The following KCNK4 variants were observed in gnomAD, a reference collection of about 807,000 sequenced individuals.
KCNK4 encodes potassium two pore domain channel subfamily K member 4, also known as potassium channel subfamily K member 4.
A neutral mutation model predicts 28.8 loss-of-function variants in KCNK4; 22 were observed. That is an observed-to-expected ratio of 0.76 (90% CI 0.55 to 1.09). The LOEUF (loss-of-function observed/expected upper bound fraction) is 1.09, where lower values mean the gene tolerates loss of function less well. Among genes scored for constraint, KCNK4 ranks in the 50% least tolerant of loss-of-function variants. The pLI, the probability that KCNK4 is intolerant of heterozygous loss-of-function variation, is 0.00. For synonymous variants in KCNK4, 263 were observed against 252.9 expected (o/e 1.04, Z -0.38); for missense variants, 483 against 546.3 (o/e 0.88, Z 1.15).
In KCNK4 at chr11:64,297,104, C is replaced by A; in HGVS notation, c.314-15C>A. 1 of 1,614,022 alleles carries A rather than the reference C, an allele frequency of 6.2e-7. No homozygotes were observed. Among genetic ancestry groups the A allele is most frequent in the South Asian group, 1.1e-5 (1 of 91,076 alleles). On this transcript the variant is annotated splice_polypyrimidine_tract_variant and intron_variant, in intron 3 of 6. Transcript: ENST00000422670. ...CAGGTGGCCCCTAGACTTCCTGCAT[C>A]GCCCCTCTGCCCAGGCTATGGCAAT...
chr11:64,296,371 A>G lies in KCNK4; in HGVS notation c.190-507A>G, dbSNP rs546855690. Among the ~76,000 whole-genome samples the G allele has an allele frequency of 6.0e-4, 91 of 152,098 alleles. 1 individual carries two copies. Among genetic ancestry groups the G allele is most frequent in the African/African-American group, 2.2e-3 (90 of 41,464 alleles). ...CTCAAATTCAGCTTCCATAGGTGCA[A>G]TGGGAGTGGTGGGGTTGGAAAGCTG... On this transcript the variant is annotated intron_variant, in intron 2 of 6. Coordinates refer to ENST00000422670, the MANE Select transcript of KCNK4 (RefSeq NM_033310.3).
At chr11:64,298,563 TC>T (rs1013830423) in intron 6 of KCNK4, among the ~76,000 whole-genome samples, 2 of 151,942 alleles carry the variant, frequency 1.3e-5, no homozygotes, top group African/African-American at 4.8e-5. Context: ...GTGCCTGTAG[TC>T]CCAGCTACTC....
rs2034883038 is a variant in KCNK4 at position 64,299,730 on chromosome 11, C to T, written c.*4C>T. On this transcript the variant is annotated 3_prime_UTR_variant, in exon 7 of 7. Coordinates refer to ENST00000422670, the MANE Select transcript of KCNK4 (RefSeq NM_033310.3). ...AGACAAAGGCGTGCCGGTGTAGGGG[C>T]AGGATCCCTGGCCGGGCCTCTCAAG... 6.4e-7 allele frequency: 1 copy of T among 1,552,566 alleles called. No homozygotes were observed. Among genetic ancestry groups the T allele is most frequent in the South Asian group, 1.2e-5 (1 of 85,814 alleles).
At chr11:64,296,659 A>C (rs1279238292) in intron 2 of KCNK4, among the ~76,000 whole-genome samples, 1 of 152,132 alleles carries the variant, frequency 6.6e-6, no homozygotes, top group Admixed American at 6.5e-5. Context: ...GATACTGAAA[A>C]TGTTTCTCAA....
At chr11:64,291,736 G>A (rs1200853261) in intron 1 of KCNK4, 170 bp downstream of exon 1, 1 of 152,014 alleles carries the variant, frequency 6.6e-6, no homozygotes, top group Non-Finnish European at 1.5e-5. Flanking sequence ...CGGCACCGGC[G>A]AGGCCGTGCT....
chr11:64,297,527 G>C lies in KCNK4; in HGVS notation c.535G>C (p.Gly179Arg). ...GTCGGCGATGCTTTTCCTGCTGATC[G>C]GCTGCCTGCTCTTTGTCCTCACGCC... ...VLSAMLFLLI[G>R]CLLFVLTPTF... is the part of the protein sequence containing the mutation. Residue 179 changes from glycine (G) to arginine (R), a missense_variant, in exon 5 of 7, where the codon GGC (glycine) becomes CGC (arginine). Transcript: ENST00000422670. The C allele has an allele frequency of 1.2e-6, 2 of 1,614,126 alleles. No individual in the cohort carries two copies. The highest frequency in any genetic ancestry group is 1.7e-6 in the Non-Finnish European group (2 of 1,180,008).
Position 64,298,219 on chromosome 11 carries a change from G to T in KCNK4, c.771G>T (p.Leu257=), listed in dbSNP as rs1412017621. 4 of 1,612,976 alleles carry T rather than the reference G, an allele frequency of 2.5e-6. No homozygotes were observed. The highest frequency in any genetic ancestry group is 2.5e-6 in the Non-Finnish European group (3 of 1,180,038). ...ASVLTTIGNW[L]RVVSRRTRAE... is the part of the protein sequence containing the mutation. ...TGCTCACCACCATCGGGAACTGGCT[G>T]CGAGTAGTGTCCCGCCGCACTCGGG... The change falls in exon 6 of 7, where the codon CTG becomes CTT. Residue 257 remains leucine (L), a synonymous_variant. Transcript: ENST00000422670.
In KCNK4 at chr11:64,297,258, T is replaced by A; in HGVS notation, c.453T>A (p.Gly151=). The change falls in exon 4 of 7, where the codon GGT becomes GGA. Residue 151 remains glycine (G), a synonymous_variant. Transcript: ENST00000422670. ...GCTCCTCCCTGCGCCATGGCATCGG[T>A]CACATTGAAGCCATCTTCTTGGTGA... The part of the protein sequence containing the change: ...RLGSSLRHGI[G]HIEAIFLKWH... 6.2e-7 allele frequency: 1 copy of A among 1,613,282 alleles called. No individual in the cohort carries two copies. Among genetic ancestry groups the A allele is most frequent in the African/African-American group, 1.3e-5 (1 of 74,998 alleles).
chr11:64,293,143 T>C lies in KCNK4; in HGVS notation c.125T>C (p.Val42Ala). 6.5e-7 allele frequency: 1 copy of C among 1,535,618 alleles called. No individual in the cohort carries two copies. The highest frequency in any genetic ancestry group is 8.8e-7 in the Non-Finnish European group (1 of 1,138,808). ...CAGGCCCAGAGGGAGCTGGGGGAGG[T>C]CCGAGAGAAGTTCCTGAGGGCCCAT... ...EQQAQRELGE[V>A]REKFLRAHPC... is the part of the protein sequence containing the mutation. The change falls in exon 2 of 7, where the codon GTC becomes GCC. Residue 42 changes from valine to alanine, a missense_variant. Physicochemically the swap from Val to Ala is moderately conservative, Grantham distance 64. Coordinates refer to ENST00000422670, the MANE Select transcript of KCNK4 (RefSeq NM_033310.3).
chr11:64,291,932 G>A (rs917632915), intron 1 of KCNK4: 1 of 749,014 alleles, frequency 1.3e-6, no homozygotes, highest in African/African-American at 1.9e-5. Context: ...GCCACGCTCC[G>A]AGGCGTCGCT....
intron 5 of KCNK4, 131 bp from the exon 6 acceptor site, chr11:64,297,979 A>G: frequency 9.2e-7 from 1 of 1,087,348 alleles, no homozygotes; most frequent in East Asian, 2.6e-5. Context: ...CTGCACTCAC[A>G]CACTCAAGCA....
At chr11:64,296,842 G>T in intron 2 of KCNK4, 36 bp from the exon 3 acceptor site, 4 of 1,498,688 alleles carry the variant, frequency 2.7e-6, no homozygotes, top group Non-Finnish European at 3.6e-6. Context: ...CAGGAGGGAA[G>T]AACTGAAGCT....
chr11:64,297,417 G>C (rs750959004), intron 4 of KCNK4, 50 bp from the exon 5 acceptor site: 1 of 1,603,564 alleles, frequency 6.2e-7, no homozygotes, highest in Non-Finnish European at 8.5e-7. Flanking sequence ...GAGTATGGGA[G>C]TGGGGATTGT....
At chr11:64,294,661 T>C (rs1405315186) in intron 2 of KCNK4, among the ~76,000 whole-genome samples, 2 of 152,184 alleles carry the variant, frequency 1.3e-5, no homozygotes, top group African/African-American at 4.8e-5. Context: ...ATGTCTATTA[T>C]TTGAAATTGA....
chr11:64,298,255 CGCCCCAGGGT>C lies in KCNK4; in HGVS notation c.801+7_801+16del, dbSNP rs563294455. On this transcript the variant is annotated splice_region_variant and intron_variant, in intron 6 of 6. Coordinates refer to ENST00000422670, the MANE Select transcript of KCNK4 (RefSeq NM_033310.3). ...CCCGCCGCACTCGGGCAGAGGTAGGCGCCCCAGGGTTGGCACTGTGCCTGCGCACTGTGGT... is the reference window on the plus strand; with the variant it reads ...CCCGCCGCACTCGGGCAGAGGTAGGCTGGCACTGTGCCTGCGCACTGTGGT... The C allele has an allele frequency of 1.1e-3, 1,779 of 1,611,710 alleles. 12 individuals are homozygous for C. Among genetic ancestry groups the C allele is most frequent in the Non-Finnish European group, 7.1e-4 (841 of 1,180,018 alleles).
rs757639151 is a variant in KCNK4 at position 64,293,171 on chromosome 11, G to A, written c.153G>A (p.Pro51=). The change falls in exon 2 of 7, where the codon CCG becomes CCA. Residue 51 remains proline, a synonymous_variant. Transcript: ENST00000422670. ...EVREKFLRAH[P]CVSDQELGLL... The stretch of plus-strand genomic sequence containing the variant: ...GAGAGAAGTTCCTGAGGGCCCATCC[G>A]TGTGTGAGCGACCAGGAGCTGGGCC... 6.7e-7 allele frequency: 1 copy of A among 1,499,688 alleles called. No homozygotes were observed. Among genetic ancestry groups the A allele is most frequent in the Non-Finnish European group, 8.9e-7 (1 of 1,119,362 alleles). 92.9% of individuals were successfully genotyped at this position (1,499,688 alleles called of 1,614,324 possible). A position where few individuals can be genotyped will look rare whatever the true frequency, so the allele number is the denominator to read the frequency against.
At chr11:64,299,196 G>T in intron 6 of KCNK4, 150 bp from the exon 7 acceptor site, 1 of 673,256 alleles carries the variant, frequency 1.5e-6, no homozygotes, top group Non-Finnish European at 2.3e-6. Flanking sequence ...CAGTGGAGGA[G>T]CCCTTCCATC....
intron 1 of KCNK4, 95 bp from the exon 2 acceptor site, chr11:64,292,847 G>A: frequency 7.5e-7 from 1 of 1,331,410 alleles, no homozygotes; most frequent in East Asian, 2.8e-5. Flanking sequence ...TGCAGCTGGG[G>A]GCTTTATGGA....
In KCNK4 at chr11:64,297,482, C is replaced by G. The variant is rs1015112288; in HGVS notation, c.490C>G (p.Pro164Ala). The part of the protein sequence containing the change: ...EAIFLKWHVP[P>A]ELVRVLSAML... ...CATCCCGCAGAAGTGGCACGTGCCA[C>G]CGGAGCTAGTAAGAGTGCTGTCGGC... The change falls in exon 5 of 7, where the codon CCG becomes GCG. Residue 164 changes from proline to alanine, a missense_variant. By Grantham distance (27) the Pro-to-Ala change is conservative. Transcript: ENST00000422670. The G allele has an allele frequency of 2.5e-6, 4 of 1,614,000 alleles. No individual in the cohort carries two copies. The Admixed American group carries it at 6.7e-5, about 27-fold the overall frequency.
Sources: gnomAD v4.1 joint callset for allele counts (sites outside exome capture counted in the v4.1 genomes callset) on GRCh38, gnomAD v4.1.1 for gene constraint, MANE v1.5 for transcripts, NCBI Gene and HGNC (gene_info 2026-07-23, HGNC 2026-07-21) for gene names.